Variants in FBXW11 observed in about 807,000 individuals in gnomAD.
FBXW11 encodes the protein F-box and WD repeat domain containing 11.
In FBXW11, 19 loss-of-function variants were observed where a neutral mutation model predicts 77.6. The ratio of observed to expected loss-of-function variants is 0.24; its 90% CI spans 0.17 to 0.36. The LOEUF is 0.36. Among genes scored for constraint, FBXW11 ranks in the 10% least tolerant of loss-of-function variants. The pLI, the probability that FBXW11 is intolerant of heterozygous loss-of-function variation, is 1.00. For missense variants in FBXW11, 334 were observed against 704.2 expected (o/e 0.47, Z 5.95); for synonymous variants, 235 against 249.4 (o/e 0.94, Z 0.54).
chr5:171,999,712 C>T (rs1766297182), intron 1 of FBXW11, among the ~76,000 whole-genome samples: 1 of 152,094 alleles, frequency 6.6e-6, no homozygotes, highest in East Asian at 1.9e-4. Context: ...AATAGTAGAA[C>T]CTCAGTCTTT....
intron 2 of FBXW11, among the ~76,000 whole-genome samples, chr5:171,956,246 C>T (rs1416211918): frequency 6.6e-6 from 1 of 152,160 alleles, no homozygotes; most frequent in Non-Finnish European, 1.5e-5. Flanking sequence ...AAGGAGAGCA[C>T]ATGCAATAAT....
At chr5:171,998,336 C>CTTTT (rs778327855) in intron 1 of FBXW11, among the ~76,000 whole-genome samples, 8 of 114,826 alleles carry the variant, frequency 7.0e-5, no homozygotes, top group African/African-American at 2.9e-4. Context: ...TTTTTCTTGT[C>CTTTT]TTTTTTTTTT....
intron 4 of FBXW11, among the ~76,000 whole-genome samples, chr5:171,905,489 A>T (rs1760419743): frequency 6.6e-6 from 1 of 152,000 alleles, no homozygotes. Flanking sequence ...CTCTCCCCCA[A>T]ATCCTCTCAG....
chr5:171,864,645 A>T (rs1371930350), intron 13 of FBXW11, among the ~76,000 whole-genome samples: 2 of 152,216 alleles, frequency 1.3e-5, no homozygotes, highest in East Asian at 1.9e-4. Flanking sequence ...CTTTTTAATA[A>T]GTAAATCATT....
At chr5:171,991,095 G>A (rs957790343) in intron 1 of FBXW11, among the ~76,000 whole-genome samples, 3 of 152,026 alleles carry the variant, frequency 2.0e-5, no homozygotes, top group African/African-American at 7.3e-5. Flanking sequence ...CAAAGTGCTG[G>A]GATTAAAGGA....
chr5:171,969,807 T>G (rs1445749378), intron 1 of FBXW11, among the ~76,000 whole-genome samples: 1 of 152,162 alleles, frequency 6.6e-6, no homozygotes, highest in Non-Finnish European at 1.5e-5. Context: ...GTTCAAGTGA[T>G]TCTCATGCCT....
chr5:171,983,434 C>T (rs1177043475), intron 1 of FBXW11, among the ~76,000 whole-genome samples: 2 of 152,150 alleles, frequency 1.3e-5, no homozygotes, highest in Non-Finnish European at 2.9e-5. Flanking sequence ...GTAGCGGGAA[C>T]CCCAACTTGA....
Position 171,957,693 on chromosome 5 carries a change from A to G in FBXW11, c.51T>C (p.Ser17=). 1 of 1,613,882 alleles carries G rather than the reference A, an allele frequency of 6.2e-7. No individual in the cohort carries two copies. Among genetic ancestry groups the G allele is most frequent in the Non-Finnish European group, 8.5e-7 (1 of 1,179,768 alleles). ...AGCCTAGCCACAAAGACCTTGGCACAGAACACTGCAGGATGACAAAAAGGA... is the reference window on the plus strand; with the variant it reads ...AGCCTAGCCACAAAGACCTTGGCACGGAACACTGCAGGATGACAAAAAGGA... ...IEDKTIELMC[S]VPRSLWLGCA... The change falls in exon 2 of 14, where the codon TCT becomes TCC. Residue 17 remains serine, a synonymous_variant. Coordinates refer to ENST00000517395, the MANE Select transcript of FBXW11 (RefSeq NM_001378974.1).
intron 1 of FBXW11, among the ~76,000 whole-genome samples, chr5:171,980,382 A>G (rs565507434): frequency 1.3e-5 from 2 of 152,212 alleles, no homozygotes; most frequent in Non-Finnish European, 2.9e-5. Context: ...ATTGGACTTC[A>G]TTAGTATTAA....
At chr5:172,002,278 C>T (rs1766453028) in intron 1 of FBXW11, among the ~76,000 whole-genome samples, 1 of 152,156 alleles carries the variant, frequency 6.6e-6, no homozygotes. Flanking sequence ...AATGCCAAGA[C>T]TTGTGTGCAG....
chr5:171,871,760 T>G (rs2111007), intron 10 of FBXW11, among the ~76,000 whole-genome samples: 131,286 of 152,172 alleles, frequency 0.86, 57,561 homozygotes, highest in East Asian at 0.97. Flanking sequence ...CCAAAGAATG[T>G]ATTTTATTAC....
At chr5:171,967,493 A>G (rs1454076124) in intron 1 of FBXW11, among the ~76,000 whole-genome samples, 1 of 152,228 alleles carries the variant, frequency 6.6e-6, no homozygotes, top group Non-Finnish European at 1.5e-5. Context: ...CTAAGTGAAT[A>G]AAGGCAACAA....
intron 2 of FBXW11, among the ~76,000 whole-genome samples, chr5:171,920,534 T>C (rs1382918883): frequency 6.6e-6 from 1 of 151,860 alleles, no homozygotes; most frequent in East Asian, 1.9e-4. Context: ...GAGACCATCC[T>C]GCACAACACA....
At chr5:171,942,621 G>A (rs1200073954) in intron 2 of FBXW11, among the ~76,000 whole-genome samples, 2 of 152,142 alleles carry the variant, frequency 1.3e-5, no homozygotes, top group East Asian at 1.9e-4. Context: ...GCAACACAGT[G>A]AAACCCCGTC....
chr5:171,916,401 A>G, intron 2 of FBXW11: 1 of 978,174 alleles, frequency 1.0e-6, no homozygotes, highest in African/African-American at 1.7e-5. Flanking sequence ...CACAGCATCA[A>G]GGTCCACAAT....
At chr5:171,979,626 G>A (rs1765037173) in intron 1 of FBXW11, among the ~76,000 whole-genome samples, 1 of 152,004 alleles carries the variant, frequency 6.6e-6, no homozygotes, top group Non-Finnish European at 1.5e-5. Context: ...ACAACATGGG[G>A]GAAAAACGAA....
In FBXW11 at chr5:171,964,287, T is replaced by C. The variant is rs1317542422; in HGVS notation, c.46-6589A>G. Among the ~76,000 whole-genome samples, 3 of 152,320 alleles carry C rather than the reference T, an allele frequency of 2.0e-5. No homozygotes were observed. The South Asian group carries it at 6.2e-4, about 32-fold the overall frequency. On this transcript the variant is annotated intron_variant, in intron 1 of 13. Coordinates refer to ENST00000517395, the MANE Select transcript of FBXW11 (RefSeq NM_001378974.1). ...ATAGAATATCAAACAAAGAGTGCCA[T>C]GATAATGATGAAGAAGAGAAATAAA...
intron 13 of FBXW11, among the ~76,000 whole-genome samples, chr5:171,866,635 T>C (rs1275763521): frequency 4.6e-5 from 7 of 152,204 alleles, no homozygotes; most frequent in African/African-American, 7.2e-5. Flanking sequence ...AGTTCATCTA[T>C]TGTAATACAC....
In FBXW11 at chr5:171,876,806, C is replaced by A. The variant is rs1462248709; in HGVS notation, c.972-272G>T. On this transcript the variant is annotated intron_variant, in intron 8 of 13. Coordinates refer to ENST00000517395, the MANE Select transcript of FBXW11 (RefSeq NM_001378974.1). The surrounding 1 kb of genome is among the most constrained non-coding windows in gnomAD (Gnocchi z 4.2). ...TGAGAGAACAGGTTGTTGAAAAGAGCCTCCTAGCACCTCCTCCCTCTCTCT... is the reference window on the plus strand; with the variant it reads ...TGAGAGAACAGGTTGTTGAAAAGAGACTCCTAGCACCTCCTCCCTCTCTCT... 6.6e-6 allele frequency among the ~76,000 whole-genome samples: 1 copy of A among 152,050 alleles called. No individual in the cohort carries two copies. Among genetic ancestry groups the A allele is most frequent in the Non-Finnish European group, 1.5e-5 (1 of 67,984 alleles).
Sources: gnomAD v4.1 joint callset for allele counts (sites outside exome capture counted in the v4.1 genomes callset) on GRCh38, gnomAD v4.1.1 for gene constraint, Gnocchi (gnomAD v3.1) non-coding constraint, MANE v1.5 for transcripts, NCBI Gene and HGNC (gene_info 2026-07-23, HGNC 2026-07-21) for gene names.